The following BAZ1B variants were observed in gnomAD, a reference collection of about 807,000 sequenced individuals.
The protein encoded by BAZ1B is bromodomain adjacent to zinc finger domain 1B, also known as tyrosine-protein kinase BAZ1B.
A neutral mutation model predicts 153.8 loss-of-function variants in BAZ1B; 22 were observed. That is an observed-to-expected ratio of 0.14 (90% CI 0.10 to 0.20). BAZ1B has a LOEUF of 0.20. BAZ1B is among the 10% of genes least tolerant of loss of function. The pLI is 1.00. For missense variants in BAZ1B, 1,325 were observed against 1,799.3 expected (o/e 0.74, Z 4.77); for synonymous variants, 676 against 633.4 (o/e 1.07, Z -1.01).
intron 3 of BAZ1B, among the ~76,000 whole-genome samples, chr7:73,504,392 G>A (rs1790250978): frequency 6.6e-6 from 1 of 152,108 alleles, no homozygotes; most frequent in African/African-American, 2.4e-5. Flanking sequence ...GGCCAGGCGT[G>A]GTGGCTCACA....
intron 16 of BAZ1B, among the ~76,000 whole-genome samples, chr7:73,446,031 T>C (rs553370423): frequency 4.6e-4 from 70 of 152,220 alleles, no homozygotes; most frequent in African/African-American, 1.6e-3. Flanking sequence ...CCCATACGTA[T>C]GTGAGAGCTT....
intron 6 of BAZ1B, among the ~76,000 whole-genome samples, chr7:73,487,277 G>T (rs1789448230): frequency 6.6e-6 from 1 of 152,052 alleles, no homozygotes; most frequent in African/African-American, 2.4e-5. Flanking sequence ...AAAAATTGTG[G>T]ATCAGCTGGG....
chr7:73,484,220 T>C (rs1403006647), intron 6 of BAZ1B, among the ~76,000 whole-genome samples: 1 of 151,770 alleles, frequency 6.6e-6, no homozygotes, highest in Non-Finnish European at 1.5e-5. Context: ...GAGCAAAGAC[T>C]GCACCACTGC....
At chr7:73,506,673 G>A (rs551639964) in intron 3 of BAZ1B, among the ~76,000 whole-genome samples, 1 of 149,400 alleles carries the variant, frequency 6.7e-6, no homozygotes, top group South Asian at 2.1e-4. Flanking sequence ...CCAACATGGA[G>A]AGAACCCGTC....
intron 11 of BAZ1B, among the ~76,000 whole-genome samples, chr7:73,464,904 G>GTTT: frequency 6.9e-6 from 1 of 144,696 alleles, no homozygotes; most frequent in African/African-American, 2.5e-5. Flanking sequence ...TTTTTGTTTT[G>GTTT]TTTTTTTTTT....
chr7:73,510,884 A>G, intron 1 of BAZ1B, 32 bp from the exon 2 acceptor site: 1 of 1,579,878 alleles, frequency 6.3e-7, no homozygotes, highest in Non-Finnish European at 8.7e-7. Flanking sequence ...AACAATATGC[A>G]AGCAACAGAG....
intron 6 of BAZ1B, among the ~76,000 whole-genome samples, chr7:73,479,273 C>T (rs976237623): frequency 6.6e-6 from 1 of 152,010 alleles, no homozygotes; most frequent in South Asian, 2.1e-4. Flanking sequence ...CTTTGGGAGG[C>T]CGAGGCAGGC....
At chr7:73,457,331 C>T (rs1788243886) in intron 13 of BAZ1B, among the ~76,000 whole-genome samples, 1 of 152,068 alleles carries the variant, frequency 6.6e-6, no homozygotes, top group Non-Finnish European at 1.5e-5. Context: ...GTGTGCGCCA[C>T]CACGCCTGGC....
At chr7:73,504,904 A>G (rs1790273271) in intron 3 of BAZ1B, among the ~76,000 whole-genome samples, 1 of 152,170 alleles carries the variant, frequency 6.6e-6, no homozygotes, top group African/African-American at 2.4e-5. Context: ...TAGCTAGGAG[A>G]TAGAAAGGAG....
intron 4 of BAZ1B, among the ~76,000 whole-genome samples, chr7:73,496,860 C>T (rs1476254390): frequency 6.6e-6 from 1 of 151,852 alleles, no homozygotes; most frequent in African/African-American, 2.4e-5. Flanking sequence ...TACAGCCAGG[C>T]ACAGTGCGTC....
chr7:73,465,043 T>C (rs1335882189), intron 11 of BAZ1B, among the ~76,000 whole-genome samples: 2 of 152,100 alleles, frequency 1.3e-5, no homozygotes, highest in Non-Finnish European at 2.9e-5. Context: ...CCTGGATATA[T>C]ACTAACTTTT....
At chr7:73,497,083 A>AAAAAAAAAAAAAAAAACAAAC (rs1789938059) in intron 4 of BAZ1B, among the ~76,000 whole-genome samples, 1 of 149,914 alleles carries the variant, frequency 6.7e-6, no homozygotes, top group East Asian at 1.9e-4. Flanking sequence ...AAAAAAAAAA[A>AAAAAAAAAAAAAAAAACAAAC]CCTACAAAAA....
chr7:73,445,707 C>CA (rs1408256419), intron 16 of BAZ1B, among the ~76,000 whole-genome samples: 21 of 151,892 alleles, frequency 1.4e-4, no homozygotes, highest in Admixed American at 6.6e-5. Flanking sequence ...CCTATCTCTA[C>CA]AAAAAAGCCG....
In BAZ1B at chr7:73,489,337, T is replaced by C. The variant is rs782443081; in HGVS notation, c.748A>G (p.Lys250Glu). 1.2e-6 allele frequency: 2 copies of C among 1,614,218 alleles called. No homozygotes were observed. Among genetic ancestry groups the C allele is most frequent in the East Asian group, 2.2e-5 (1 of 44,884 alleles). ...CGTATAAAGTATCGAACTATCTCCTTATTTGGTGGGCGCTCTGTACGAATC... is the reference window on the plus strand; with the variant it reads ...CGTATAAAGTATCGAACTATCTCCTCATTTGGTGGGCGCTCTGTACGAATC... ...SLIRTERPPN[K>E]EIVRYFIRHN... The change falls in exon 6 of 20, where the codon AAG becomes GAG. Residue 250 changes from lysine to glutamate, a missense_variant. Physicochemically the swap from Lys to Glu is moderately conservative, Grantham distance 56. Coordinates refer to ENST00000339594, the MANE Select transcript of BAZ1B (RefSeq NM_032408.4).
At chr7:73,443,156 C>G (rs1214377150) in intron 17 of BAZ1B, among the ~76,000 whole-genome samples, 1 of 152,188 alleles carries the variant, frequency 6.6e-6, no homozygotes, top group Non-Finnish European at 1.5e-5. Flanking sequence ...TCTCAGAGAA[C>G]AGGTGGACCT....
At chr7:73,463,307 C>T (rs1554570677) in intron 11 of BAZ1B, among the ~76,000 whole-genome samples, 3 of 146,432 alleles carry the variant, frequency 2.0e-5, no homozygotes, top group Non-Finnish European at 4.5e-5. Flanking sequence ...TGCAAAGGTG[C>T]CATCACAGCT....
intron 16 of BAZ1B, among the ~76,000 whole-genome samples, chr7:73,445,503 G>A (rs1447568761): frequency 6.6e-6 from 1 of 152,140 alleles, no homozygotes; most frequent in Non-Finnish European, 1.5e-5. Context: ...TGGAAAGAGA[G>A]CTACAACGTA....
intron 1 of BAZ1B, among the ~76,000 whole-genome samples, chr7:73,518,368 G>A (rs943644366): frequency 8.6e-5 from 13 of 151,560 alleles, no homozygotes; most frequent in African/African-American, 3.2e-4. Flanking sequence ...AGCCTAGATC[G>A]CGCCACTGCA....
Position 73,450,817 on chromosome 7 carries a change from C to T in BAZ1B, c.3580+30G>A, listed in dbSNP as rs781999389. ...AATAGAAATCCTACTCCCTAATATA[C>T]CCACATAAGCAAATTTGATTTAAAT... On this transcript the variant is annotated intron_variant, in intron 14 of 19. Coordinates refer to ENST00000339594, the MANE Select transcript of BAZ1B (RefSeq NM_032408.4). This position sits in a 1 kb window ranked among gnomAD's most constrained non-coding sequence, Gnocchi z 4.1. 96 of 1,610,542 alleles carry T rather than the reference C, an allele frequency of 6.0e-5. No individual in the cohort carries two copies. Among genetic ancestry groups the T allele is most frequent in the Middle Eastern group, 1.6e-4 (1 of 6,066 alleles).
Sources: allele counts gnomAD v4.1 joint callset (sites outside exome capture counted in the v4.1 genomes callset), GRCh38; gene constraint gnomAD v4.1.1; non-coding constraint Gnocchi (gnomAD v3.1); transcripts MANE v1.5; gene names NCBI Gene and HGNC (gene_info 2026-07-23, HGNC 2026-07-21).